Variants in FAR1 observed in about 807,000 individuals in gnomAD.
FAR1 encodes the protein male sterility domain-containing protein 2.
Under a neutral mutation model 61.1 loss-of-function variants are expected in FAR1, and 22 were observed. That is an observed-to-expected ratio of 0.36 (90% CI 0.26 to 0.51). The LOEUF (loss-of-function observed/expected upper bound fraction) is 0.51. Among genes scored for constraint, FAR1 ranks in the 20% least tolerant of loss-of-function variants. FAR1 has a pLI of 0.95. For missense variants in FAR1, 359 were observed against 626.9 expected (o/e 0.57, Z 4.56); for synonymous variants, 206 against 209.7 (o/e 0.98, Z 0.15).
intron 9 of FAR1, chr11:13,720,487 T>G (rs1300919865): frequency 6.6e-6 from 1 of 152,176 alleles, no homozygotes; most frequent in Non-Finnish European, 1.5e-5. Flanking sequence ...TAATTCGTTT[T>G]GTGTTTGAGA....
In FAR1 at chr11:13,729,705, G is replaced by GCTAT. The variant is rs1848703576; in HGVS notation, c.*934_*937dup. 1.3e-5 allele frequency: 2 copies of GCTAT among 151,934 alleles called. No individual in the cohort carries two copies. Among genetic ancestry groups the GCTAT allele is most frequent in the African/African-American group, 4.8e-5 (2 of 41,424 alleles). The allele number at this position is 151,934 out of a possible 1,614,324, so 9.4% of individuals were successfully genotyped here. A position where few individuals can be genotyped will look rare whatever the true frequency, so the allele number is the denominator to read the frequency against. ...TTCATAGGACTTTTAAAAGGCTTGTGCTATCTTTCCAGTGAAAACTGAAAG... is the reference window on the plus strand; with the variant it reads ...TTCATAGGACTTTTAAAAGGCTTGTGCTATCTATCTTTCCAGTGAAAACTGAAAG... On this transcript the variant is annotated 3_prime_UTR_variant, in exon 12 of 12. Coordinates refer to ENST00000354817, the MANE Select transcript of FAR1 (RefSeq NM_032228.6).
At chr11:13,680,954 C>A (rs1229231296) in intron 1 of FAR1, among the ~76,000 whole-genome samples, 1 of 152,194 alleles carries the variant, frequency 6.6e-6, no homozygotes, top group African/African-American at 2.4e-5. Flanking sequence ...ATCAGAAAAT[C>A]TTAATGGATA....
intron 9 of FAR1, among the ~76,000 whole-genome samples, chr11:13,715,277 G>A (rs1401285056): frequency 2.0e-5 from 3 of 152,090 alleles, no homozygotes; most frequent in Non-Finnish European, 4.4e-5. Flanking sequence ...CAGAATGCTA[G>A]GACATTTCTT....
chr11:13,718,949 A>G (rs1209440768), intron 9 of FAR1, among the ~76,000 whole-genome samples: 2 of 152,088 alleles, frequency 1.3e-5, no homozygotes, highest in Non-Finnish European at 2.9e-5. Context: ...TGGCAGCCTC[A>G]GGGGGAGTTG....
chr11:13,680,383 G>A (rs1848115150), intron 1 of FAR1, among the ~76,000 whole-genome samples: 1 of 152,172 alleles, frequency 6.6e-6, no homozygotes, highest in Admixed American at 6.5e-5. Flanking sequence ...GTGTGCCACT[G>A]TGCCTGGCTC....
chr11:13,707,790 A>G (rs1848449810), intron 3 of FAR1, 110 bp from the exon 4 acceptor site: 1 of 721,706 alleles, frequency 1.4e-6, no homozygotes, highest in Non-Finnish European at 2.0e-6. Flanking sequence ...TAAGTTGTAA[A>G]GAAACAAAAA....
chr11:13,674,336 A>AATTC (rs1848042596), intron 1 of FAR1, among the ~76,000 whole-genome samples: 1 of 152,006 alleles, frequency 6.6e-6, no homozygotes. Flanking sequence ...AAAAAAAGAA[A>AATTC]ATTCAAATTG....
intron 1 of FAR1, 69 bp from the exon 2 acceptor site, chr11:13,694,690 A>C: frequency 6.8e-6 from 9 of 1,320,466 alleles, no homozygotes; most frequent in Non-Finnish European, 8.3e-6. Context: ...TTGAATACCA[A>C]GAGATTTTTA....
chr11:13,727,032 A>G (rs1357625781), intron 10 of FAR1, among the ~76,000 whole-genome samples: 1 of 151,948 alleles, frequency 6.6e-6, no homozygotes, highest in African/African-American at 2.4e-5. Context: ...GGATTTACCT[A>G]TCCTTCTCAT....
At chr11:13,708,712 G>A (rs941432986) in intron 4 of FAR1, among the ~76,000 whole-genome samples, 1 of 152,004 alleles carries the variant, frequency 6.6e-6, no homozygotes, top group African/African-American at 2.4e-5. Context: ...ATGACTGCCT[G>A]TTTAATAGCA....
intron 5 of FAR1, among the ~76,000 whole-genome samples, chr11:13,711,499 C>G (rs1848498439): frequency 2.6e-5 from 4 of 152,128 alleles, no homozygotes; most frequent in African/African-American, 7.2e-5. Flanking sequence ...TATAAACCCT[C>G]TTTTATAAAT....
At chr11:13,704,295 T>G (rs1410288492) in intron 3 of FAR1, among the ~76,000 whole-genome samples, 1 of 151,770 alleles carries the variant, frequency 6.6e-6, no homozygotes, top group Non-Finnish European at 1.5e-5. Context: ...TTGCGGAAAA[T>G]TCATAGTACA....
At chr11:13,699,653 C>T (rs1012432021) in intron 2 of FAR1, among the ~76,000 whole-genome samples, 2 of 152,176 alleles carry the variant, frequency 1.3e-5, no homozygotes, top group African/African-American at 4.8e-5. Flanking sequence ...TGCCTTTAAA[C>T]TGTAATCATT....
At chr11:13,672,559 A>AC (rs1848019117) in intron 1 of FAR1, among the ~76,000 whole-genome samples, 1 of 151,822 alleles carries the variant, frequency 6.6e-6, no homozygotes, top group South Asian at 2.1e-4. Flanking sequence ...AAAAAAAAAA[A>AC]AGTGAGCATT....
At chr11:13,708,447 G>GAGCACACA (rs1555063885) in intron 4 of FAR1, among the ~76,000 whole-genome samples, 1 of 136,700 alleles carries the variant, frequency 7.3e-6, no homozygotes, top group African/African-American at 2.8e-5. Flanking sequence ...GCGCGCGCGC[G>GAGCACACA]CACACACACA....
intron 1 of FAR1, among the ~76,000 whole-genome samples, chr11:13,681,049 G>A (rs1848121492): frequency 6.6e-6 from 1 of 152,136 alleles, no homozygotes; most frequent in Non-Finnish European, 1.5e-5. Flanking sequence ...ACTCCAGATG[G>A]TAATGCTGCA....
intron 1 of FAR1, among the ~76,000 whole-genome samples, chr11:13,679,529 G>A (rs956309225): frequency 8.6e-5 from 13 of 152,044 alleles, no homozygotes; most frequent in African/African-American, 3.1e-4. Flanking sequence ...ATCAAGCTGT[G>A]TGTTAACAAG....
intron 1 of FAR1, among the ~76,000 whole-genome samples, 194 bp downstream of exon 1, chr11:13,669,000 C>T (rs988255222): frequency 2.8e-4 from 43 of 152,188 alleles, no homozygotes; most frequent in African/African-American, 9.4e-4. Flanking sequence ...CTCTGCCCCT[C>T]TTTGCCCCGC....
chr11:13,686,082 C>G (rs1237048283), intron 1 of FAR1, among the ~76,000 whole-genome samples: 2 of 152,198 alleles, frequency 1.3e-5, no homozygotes, highest in African/African-American at 4.8e-5. Flanking sequence ...TGTGCCTTCT[C>G]TAAAAGTGGG....
Sources: allele counts gnomAD v4.1 joint callset (sites outside exome capture counted in the v4.1 genomes callset), GRCh38; gene constraint gnomAD v4.1.1; transcripts MANE v1.5; gene names NCBI Gene and HGNC (gene_info 2026-07-23, HGNC 2026-07-21).